Variants in ADGRD1 observed in about 807,000 individuals in gnomAD.
ADGRD1 encodes adhesion G protein-coupled receptor D1.
A neutral mutation model predicts 113.4 loss-of-function variants in ADGRD1; 77 were observed. That is an observed-to-expected ratio of 0.68 (90% CI 0.57 to 0.82). The LOEUF is 0.82. Ranked by LOEUF, ADGRD1 falls within the 40% of genes least tolerant of loss-of-function variation. The pLI, the probability that ADGRD1 is intolerant of heterozygous loss-of-function variation, is 0.00. For synonymous variants in ADGRD1, 474 were observed against 475.0 expected, an observed-to-expected ratio of 1.00 and a Z score of 0.03; for missense variants, 1,036 against 1,139.1, an observed-to-expected ratio of 0.91 and a Z score of 1.30.
At chr12:131,000,667 G>A (rs891211154) in intron 9 of ADGRD1, among the ~76,000 whole-genome samples, 2 of 151,552 alleles carry the variant, frequency 1.3e-5, no homozygotes. Flanking sequence ...CTGGAACCTG[G>A]GAGGCGGAGG....
Position 131,044,905 on chromosome 12 carries a change from G to A in ADGRD1, c.1473+30565G>A, listed in dbSNP as rs143550325. Among the ~76,000 whole-genome samples, 81 of 152,366 alleles carry A rather than the reference G, an allele frequency of 5.3e-4. 1 individual carries two copies. The East Asian group carries it at 0.013, about 24-fold the overall frequency. The stretch of plus-strand genomic sequence containing the variant: ...GCGCCGTATTCCACCGCGTGGCTGC[G>A]CCGCGGTTCGTGTGGCTGGTCCCTG... On this transcript the variant is annotated intron_variant, in intron 13 of 24. Coordinates refer to ENST00000261654, the MANE Select transcript of ADGRD1 (RefSeq NM_198827.5).
At chr12:131,008,721 C>T (rs949017282) in intron 12 of ADGRD1, among the ~76,000 whole-genome samples, 12 of 152,190 alleles carry the variant, frequency 7.9e-5, no homozygotes, top group African/African-American at 1.4e-4. Context: ...TACGGGTGCT[C>T]GTGCTAGGCT....
At chr12:131,135,963 C>A (rs1404381248) in intron 21 of ADGRD1, 74 bp from the exon 22 acceptor site, 62 of 1,533,466 alleles carry the variant, frequency 4.0e-5, no homozygotes, top group Non-Finnish European at 5.5e-5. Flanking sequence ...GGAAGCCTGG[C>A]GTCTCGAGGG....
rs115362456 is a variant in ADGRD1 at position 131,066,467 on chromosome 12, C to T, written c.1474-10334C>T. Among the ~76,000 whole-genome samples the T allele has an allele frequency of 3.6e-3, 548 of 152,324 alleles. 6 individuals are homozygous for T. The highest frequency in any genetic ancestry group is 0.013 in the African/African-American group (521 of 41,578). On this transcript the variant is annotated intron_variant, in intron 13 of 24. Transcript: ENST00000261654. Reference sequence around the variant, plus strand: ...GGATGCCTGGCTGGGCCATTGTCCTCGGCCCCCTGTACCCTCCCTACCGCA... The same window carrying T: ...GGATGCCTGGCTGGGCCATTGTCCTTGGCCCCCTGTACCCTCCCTACCGCA...
intron 13 of ADGRD1, chr12:131,023,726 C>G (rs1038329447): frequency 1.3e-5 from 2 of 152,142 alleles, no homozygotes; most frequent in Non-Finnish European, 2.9e-5. Context: ...AAGTTGTTAC[C>G]CATATTTTGT....
intron 12 of ADGRD1, among the ~76,000 whole-genome samples, chr12:131,006,496 C>T (rs920154453): frequency 2.0e-5 from 3 of 152,170 alleles, no homozygotes; most frequent in African/African-American, 7.2e-5. Context: ...GGGCCTCAGT[C>T]ATGGCTGGAC....
intron 2 of ADGRD1, among the ~76,000 whole-genome samples, chr12:130,958,290 C>T (rs1969482): frequency 1.3e-5 from 2 of 150,640 alleles, no homozygotes; most frequent in African/African-American, 4.9e-5. Flanking sequence ...ACCTCTGCCC[C>T]CTGGGTTCTA....
At chr12:131,012,439 T>A (rs1039999731) in intron 12 of ADGRD1, among the ~76,000 whole-genome samples, 3 of 152,216 alleles carry the variant, frequency 2.0e-5, no homozygotes, top group Non-Finnish European at 4.4e-5. Context: ...CTCCAGACCC[T>A]GTGAACTGGT....
chr12:130,965,211 A>T lies in ADGRD1; in HGVS notation c.104-1252A>T, dbSNP rs1439047547. ...CATTATTGTTGGAATACAGAAAAGC[A>T]ATTGACATTTGTATATTAAATTTGT... On this transcript the variant is annotated intron_variant, in intron 2 of 24. Coordinates refer to ENST00000261654, the MANE Select transcript of ADGRD1 (RefSeq NM_198827.5). The surrounding 1 kb of genome is among the most constrained non-coding windows in gnomAD (Gnocchi z 4.8). Among the ~76,000 whole-genome samples, 1 of 152,224 alleles carries T rather than the reference A, an allele frequency of 6.6e-6. No homozygotes were observed. Among genetic ancestry groups the T allele is most frequent in the Non-Finnish European group, 1.5e-5 (1 of 68,042 alleles).
chr12:130,957,431 CAT>C (rs1290122386), intron 2 of ADGRD1: 8 of 152,058 alleles, frequency 5.3e-5, no homozygotes, highest in African/African-American at 1.9e-4. Context: ...CACACACACT[CAT>C]ATGCATGCAC....
intron 13 of ADGRD1, 103 bp from the exon 14 acceptor site, chr12:131,076,698 C>T: frequency 1.1e-6 from 1 of 939,648 alleles, no homozygotes; most frequent in East Asian, 2.4e-5. Context: ...CCTGTCCCTA[C>T]CTGAGGTCGC....
intron 13 of ADGRD1, 62 bp from the exon 14 acceptor site, chr12:131,076,739 T>G: frequency 7.1e-7 from 1 of 1,417,120 alleles, no homozygotes; most frequent in Non-Finnish European, 1.0e-6. Flanking sequence ...CTCACATCAG[T>G]GCTGAGAACC....
intron 2 of ADGRD1, among the ~76,000 whole-genome samples, chr12:130,961,402 CCTCT>C (rs146176861): frequency 8.0e-5 from 12 of 150,682 alleles, no homozygotes; most frequent in South Asian, 6.3e-4. Flanking sequence ...TCTGCCCTTT[CCTCT>C]CTCTCTCTCT....
intron 13 of ADGRD1, among the ~76,000 whole-genome samples, chr12:131,048,853 T>A (rs1220492719): frequency 6.6e-6 from 1 of 152,048 alleles, no homozygotes; most frequent in Non-Finnish European, 1.5e-5. Flanking sequence ...TCTCCGAGAC[T>A]GTGCAGGGAA....
rs1873062856 is a variant in ADGRD1 at position 130,982,025 on chromosome 12, A to G, written c.452A>G (p.Asp151Gly). Reference sequence around the variant, plus strand: ...GGCTCTGTGGAGCTGTATACGCGGGACAATTCCATGACATGGGAGGCCTCC... The same window carrying G: ...GGCTCTGTGGAGCTGTATACGCGGGGCAATTCCATGACATGGGAGGCCTCC... ...GRGSVELYTR[D>G]NSMTWEASFS... is the part of the protein sequence containing the mutation. Residue 151 changes from aspartate to glycine, a missense_variant, in exon 5 of 25, where the codon GAC becomes GGC. Coordinates refer to ENST00000261654, the MANE Select transcript of ADGRD1 (RefSeq NM_198827.5). 6.2e-7 allele frequency: 1 copy of G among 1,613,860 alleles called. No individual in the cohort carries two copies.
At chr12:131,097,299 A>G (rs916114549) in intron 15 of ADGRD1, among the ~76,000 whole-genome samples, 1 of 152,114 alleles carries the variant, frequency 6.6e-6, no homozygotes. Context: ...GACACTTTCA[A>G]CAAGGTCACT....
intron 18 of ADGRD1, among the ~76,000 whole-genome samples, chr12:131,116,184 C>A (rs1950459068): frequency 6.6e-6 from 1 of 152,212 alleles, no homozygotes; most frequent in African/African-American, 2.4e-5. Flanking sequence ...TTTGTCCTTA[C>A]CCATGGCTTG....
chr12:131,067,049 G>A (rs145861105), intron 13 of ADGRD1, among the ~76,000 whole-genome samples: 52 of 152,252 alleles, frequency 3.4e-4, no homozygotes, highest in African/African-American at 1.3e-3. Flanking sequence ...GCTCAGGATA[G>A]GAGTGGAGGA....
chr12:131,000,440 G>T lies in ADGRD1; in HGVS notation c.1024G>T (p.Glu342Ter). The T allele has an allele frequency of 6.2e-7, 1 of 1,611,690 alleles. No individual in the cohort carries two copies. The highest frequency in any genetic ancestry group is 8.5e-7 in the Non-Finnish European group (1 of 1,178,672). ...LLLPGWIALS[E>*]DSAVVLSLID... is the part of the protein sequence containing the mutation. Reference sequence around the variant, plus strand: ...ACTGCCTGGTTGGATTGCTCTGTCAGAGGTAAGAGAAAAGAACATGGTCGG... The same window carrying T: ...ACTGCCTGGTTGGATTGCTCTGTCATAGGTAAGAGAAAAGAACATGGTCGG... The change falls in exon 9 of 25, where the codon GAG becomes TAG. Residue 342 changes from glutamate (E) to a stop codon, truncating the protein, a stop_gained and splice_region_variant. Transcript: ENST00000261654. LOFTEE classifies it high-confidence loss of function.
Sources: allele counts gnomAD v4.1 joint callset (sites outside exome capture counted in the v4.1 genomes callset), GRCh38; gene constraint gnomAD v4.1.1; non-coding constraint Gnocchi (gnomAD v3.1); transcripts MANE v1.5; gene names NCBI Gene and HGNC (gene_info 2026-07-23, HGNC 2026-07-21).